KIDINS220: variants seen among roughly 807,000 people sequenced by gnomAD.
KIDINS220 encodes the protein kinase D interacting substrate 220, also known as kinase D-interacting substrate of 220 kDa.
In KIDINS220, 63 loss-of-function variants were observed where a neutral mutation model predicts 157.6. The observed-to-expected ratio is 0.40, with a 90% CI of 0.33 to 0.49. KIDINS220 has a LOEUF of 0.49. Ranked by LOEUF, KIDINS220 falls within the 20% of genes least tolerant of loss-of-function variation. The pLI, the probability that KIDINS220 is intolerant of heterozygous loss-of-function variation, is 0.66. For missense variants in KIDINS220, 1,772 were observed against 2,171.2 expected (o/e 0.82, Z 3.65); for synonymous variants, 732 against 783.6 (o/e 0.93, Z 1.10).
In KIDINS220 at chr2:8,774,961, G is replaced by C. The variant is rs547339922; in HGVS notation, c.2848+1787C>G. 1.7e-4 allele frequency among the ~76,000 whole-genome samples: 26 copies of C among 152,184 alleles called. 3 individuals are homozygous for C. Among genetic ancestry groups the C allele is most frequent in the African/African-American group, 6.3e-4 (26 of 41,524 alleles). Reference sequence around the variant, plus strand: ...TTAGACTATTTCCATAATTAATAAAGGTAGAACATGATAATGTATCTGATG... The same window carrying C: ...TTAGACTATTTCCATAATTAATAAACGTAGAACATGATAATGTATCTGATG... On this transcript the variant is annotated intron_variant, in intron 21 of 29. Coordinates refer to ENST00000256707, the MANE Select transcript of KIDINS220 (RefSeq NM_020738.4).
chr2:8,809,593 C>G (rs1036135002), intron 6 of KIDINS220, among the ~76,000 whole-genome samples: 6 of 151,670 alleles, frequency 4.0e-5, no homozygotes, highest in African/African-American at 1.2e-4. Context: ...TCCGCATTCA[C>G]ATCATTTCAA....
chr2:8,778,794 T>C (rs1671310712), intron 19 of KIDINS220, 67 bp from the exon 20 acceptor site: 2 of 1,590,118 alleles, frequency 1.3e-6, no homozygotes, highest in East Asian at 2.2e-5. Context: ...TTTAAAGAAA[T>C]GTGAAACAAC....
chr2:8,831,438 T>C lies in KIDINS220; in HGVS notation c.-36-4309A>G, dbSNP rs567093849. On this transcript the variant is annotated intron_variant, in intron 1 of 29. Coordinates refer to ENST00000256707, the MANE Select transcript of KIDINS220 (RefSeq NM_020738.4). ...CCAGACCTTTGCACTTAATGCCCCC[T>C]CTGCTTAGAAAGTCCATTCTCCACG... Among the ~76,000 whole-genome samples the C allele has an allele frequency of 4.6e-5, 7 of 151,536 alleles. No homozygotes were observed. The East Asian group carries it at 1.4e-3, about 30-fold the overall frequency.
Position 8,757,513 on chromosome 2 carries a change from T to C in KIDINS220, c.3012-5869A>G, listed in dbSNP as rs1363420910. The C allele has an allele frequency of 4.9e-6, 7 of 1,430,580 alleles. No homozygotes were observed. The African/African-American group carries it at 8.6e-5, about 18-fold the overall frequency. The allele number at this position is 1,430,580 out of a possible 1,614,324, so 88.6% of individuals were successfully genotyped here. A position where few individuals can be genotyped will look rare whatever the true frequency, so the allele number is the denominator to read the frequency against. On this transcript the variant is annotated intron_variant, in intron 22 of 29. Transcript: ENST00000256707. Reference sequence around the variant, plus strand: ...CAGAGGAGCAGAAGTGACTGTACTGTTGTTTGCTCTTTAATGTTTCAACTA... The same window carrying C: ...CAGAGGAGCAGAAGTGACTGTACTGCTGTTTGCTCTTTAATGTTTCAACTA...
chr2:8,751,952 A>G (rs965612488), intron 22 of KIDINS220, among the ~76,000 whole-genome samples: 1 of 152,004 alleles, frequency 6.6e-6, no homozygotes, highest in African/African-American at 2.4e-5. Context: ...TGATCCACCC[A>G]CCTCAGTCTC....
rs749584082 is a variant in KIDINS220 at position 8,813,266 on chromosome 2, G to T, written c.376C>A (p.His126Asn). 3.0e-5 allele frequency: 49 copies of T among 1,613,158 alleles called. No homozygotes were observed. In the African/African-American group the frequency reaches 4.5e-4, roughly 15 times the overall value. Residue 126 changes from histidine to asparagine, a missense_variant, in exon 5 of 30, where the codon CAT (histidine) becomes AAT (asparagine). His to Asn is a moderately conservative substitution (Grantham distance 68). This residue lies in a region of KIDINS220 where 254 missense variants were observed against 268.6 expected (regional missense o/e 0.95). Coordinates refer to ENST00000256707, the MANE Select transcript of KIDINS220 (RefSeq NM_020738.4). ...RTDVVELLLS[H>N]GANPSVTGLY... ...CCAGTGACACTTGGATTGGCACCATGAGAAAGAAGCAACTCTACTACGTCA... is the reference window on the plus strand; with the variant it reads ...CCAGTGACACTTGGATTGGCACCATTAGAAAGAAGCAACTCTACTACGTCA...
intron 26 of KIDINS220, among the ~76,000 whole-genome samples, chr2:8,744,436 A>G (rs1446426596): frequency 1.9e-5 from 2 of 104,924 alleles, no homozygotes; most frequent in Non-Finnish European, 3.7e-5. Flanking sequence ...ATATATATAT[A>G]TATATATATG....
At chr2:8,797,803 A>G (rs924382638) in intron 10 of KIDINS220, among the ~76,000 whole-genome samples, 5 of 152,338 alleles carry the variant, frequency 3.3e-5, no homozygotes, top group Non-Finnish European at 4.4e-5. Flanking sequence ...ACCACCAGTC[A>G]CATGGTTATT....
chr2:8,781,047 T>G (rs570591354), intron 17 of KIDINS220, among the ~76,000 whole-genome samples: 1 of 150,296 alleles, frequency 6.7e-6, no homozygotes, highest in Non-Finnish European at 1.5e-5. Flanking sequence ...GAAACCCACC[T>G]TACATAAAAA....
chr2:8,772,463 G>A (rs1472569906), intron 21 of KIDINS220, among the ~76,000 whole-genome samples: 5 of 150,838 alleles, frequency 3.3e-5, no homozygotes, highest in African/African-American at 4.9e-5. Context: ...AGGACAGAGC[G>A]AGACTATCTC....
intron 22 of KIDINS220, among the ~76,000 whole-genome samples, chr2:8,761,913 G>T (rs1668787712): frequency 1.3e-5 from 2 of 152,080 alleles, no homozygotes; most frequent in South Asian, 2.1e-4. Flanking sequence ...TAAATATTTT[G>T]ATTTGAAATT....
At chr2:8,771,265 C>T (rs1230209058) in intron 21 of KIDINS220, among the ~76,000 whole-genome samples, 4 of 152,256 alleles carry the variant, frequency 2.6e-5, no homozygotes, top group South Asian at 2.1e-4. Flanking sequence ...AGTCCATTCT[C>T]GTTGTAGTAT....
At chr2:8,798,096 T>C (rs1674211890) in intron 10 of KIDINS220, 106 bp downstream of exon 10, 1 of 655,288 alleles carries the variant, frequency 1.5e-6, no homozygotes, top group Non-Finnish European at 2.7e-6. Flanking sequence ...ATATTACCAG[T>C]AAAATCAGTG....
At position 8,821,132 on chromosome 2, in the gene KIDINS220, A is replaced by G. The variant is rs572644359; in HGVS notation, c.109-2339T>C. On this transcript the variant is annotated intron_variant, in intron 2 of 29. Coordinates refer to ENST00000256707, the MANE Select transcript of KIDINS220 (RefSeq NM_020738.4). Reference sequence around the variant, plus strand: ...ATAATGAGAGAAAAACATAATATAAATGTTTTAATAATATAAATGTTATAA... The same window carrying G: ...ATAATGAGAGAAAAACATAATATAAGTGTTTTAATAATATAAATGTTATAA... 2.0e-5 allele frequency among the ~76,000 whole-genome samples: 3 copies of G among 151,674 alleles called. No individual in the cohort carries two copies. The South Asian group carries it at 6.2e-4, about 31-fold the overall frequency.
rs759508694 is a variant in KIDINS220, at chr2:8,733,683, T to TA, written c.3817-4dup. ...TCTGCGTTTCTCATTTCTAGTACCT[T>TA]AACAGAAGAAAAACATAAATATTTA... is the stretch of plus-strand genomic sequence containing the variant. On this transcript the variant is annotated splice_polypyrimidine_tract_variant and splice_region_variant and intron_variant, in intron 28 of 29. Coordinates refer to ENST00000256707, the MANE Select transcript of KIDINS220 (RefSeq NM_020738.4). 2.8e-5 allele frequency: 42 copies of TA among 1,502,594 alleles called. No homozygotes were observed. The highest frequency in any genetic ancestry group is 3.7e-5 in the Non-Finnish European group (41 of 1,116,514). 93.1% of individuals were successfully genotyped at this position (1,502,594 alleles called of 1,614,324 possible). A position where few individuals can be genotyped will look rare whatever the true frequency, so the allele number is the denominator to read the frequency against.
chr2:8,835,426 C>G (rs1280743881), intron 1 of KIDINS220, among the ~76,000 whole-genome samples: 1 of 152,078 alleles, frequency 6.6e-6, no homozygotes, highest in East Asian at 1.9e-4. Context: ...ACTTCTCTCT[C>G]TAGAACTGGG....
At position 8,730,173 on chromosome 2, in the gene KIDINS220, C is replaced by T. The variant is rs1402990704; in HGVS notation, c.*547G>A. 5.1e-6 allele frequency: 5 copies of T among 986,142 alleles called. No homozygotes were observed. The highest frequency in any genetic ancestry group is 3.6e-6 in the Non-Finnish European group (3 of 830,660). The allele number at this position is 986,142 out of a possible 1,614,324, so 61.1% of individuals were successfully genotyped here. ...CCCTCTTCATTATGTACTTCCTACT[C>T]TTCAGAACCTCTGTGATAAGCAATA... is the stretch of plus-strand genomic sequence containing the variant. On this transcript the variant is annotated 3_prime_UTR_variant, in exon 30 of 30. Transcript: ENST00000256707.
Position 8,801,281 on chromosome 2 carries a change from G to C in KIDINS220, c.802-783C>G, listed in dbSNP as rs555907031. Among the ~76,000 whole-genome samples, 3 of 152,296 alleles carry C rather than the reference G, an allele frequency of 2.0e-5. No homozygotes were observed. In the South Asian group the frequency reaches 6.2e-4, roughly 32 times the overall value. On this transcript the variant is annotated intron_variant, in intron 8 of 29. Transcript: ENST00000256707. ...ATGGGCTGCAGCTCAATTCAATCCT[G>C]AGTGGACCTTAAAAGTACTATGAAA...
intron 2 of KIDINS220, among the ~76,000 whole-genome samples, chr2:8,822,998 T>C (rs553709391): frequency 3.3e-5 from 5 of 152,320 alleles, no homozygotes; most frequent in South Asian, 4.1e-4. Flanking sequence ...TTTTTAGAGA[T>C]AGGGTCTCAG....
Sources: gnomAD v4.1 joint callset for allele counts (sites outside exome capture counted in the v4.1 genomes callset) on GRCh38, gnomAD v4.1.1 for gene constraint, gnomAD v4.1.1 regional missense constraint, MANE v1.5 for transcripts, NCBI Gene and HGNC (gene_info 2026-07-23, HGNC 2026-07-21) for gene names.